Variants in SMC6 observed in about 807,000 individuals in gnomAD.
SMC6 encodes structural maintenance of chromosomes protein 6.
Under a neutral mutation model 142.2 loss-of-function variants are expected in SMC6, and 79 were observed. The observed-to-expected ratio is 0.56, with a 90% CI of 0.46 to 0.67. The LOEUF (loss-of-function observed/expected upper bound fraction) is 0.67. Among genes scored for constraint, SMC6 ranks in the 30% least tolerant of loss-of-function variants. The pLI, the probability that SMC6 is intolerant of heterozygous loss-of-function variation, is 0.00. For synonymous variants in SMC6, 411 were observed against 412.4 expected (o/e 1.00, Z 0.04); for missense variants, 1,072 against 1,284.0 (o/e 0.83, Z 2.52).
chr2:17,726,616 TA>T, intron 7 of SMC6, 147 bp from the exon 8 acceptor site: 26 of 560,668 alleles, frequency 4.6e-5, no homozygotes, highest in South Asian at 8.1e-5. Context: ...ATAAAAATAC[TA>T]AAAAAAAGTT....
intron 2 of SMC6, among the ~76,000 whole-genome samples, chr2:17,746,693 CAT>C (rs1670762092): frequency 6.6e-6 from 1 of 152,104 alleles, no homozygotes; most frequent in South Asian, 2.1e-4. Context: ...TTTTGCTAAA[CAT>C]ATGAATACTG....
chr2:17,700,458 A>G (rs1200624011), intron 20 of SMC6, 80 bp from the exon 21 acceptor site: 1 of 1,169,748 alleles, frequency 8.5e-7, no homozygotes, highest in African/African-American at 1.6e-5. Context: ...AATAATTCTG[A>G]GAGAGGAGAA....
intron 5 of SMC6, among the ~76,000 whole-genome samples, chr2:17,737,186 A>G (rs13396902): frequency 0.036 from 5,435 of 152,200 alleles, 278 homozygotes; most frequent in African/African-American, 0.11. Flanking sequence ...ATCTTGGCTT[A>G]AGGTTAAGAT....
intron 5 of SMC6, among the ~76,000 whole-genome samples, chr2:17,732,743 A>C (rs991814652): frequency 6.6e-6 from 1 of 152,078 alleles, no homozygotes; most frequent in Non-Finnish European, 1.5e-5. Flanking sequence ...AATTTCTTAA[A>C]GCTTTACTGG....
chr2:17,683,891 T>C, intron 23 of SMC6, 128 bp from the exon 24 acceptor site: 1 of 800,772 alleles, frequency 1.2e-6, no homozygotes, highest in Admixed American at 2.4e-5. Flanking sequence ...CTAGTAGCAG[T>C]CAATTTCATA....
At chr2:17,676,642 A>G (rs2103491562) in intron 25 of SMC6, among the ~76,000 whole-genome samples, 1 of 152,234 alleles carries the variant, frequency 6.6e-6, no homozygotes, top group East Asian at 1.9e-4. Context: ...TTTGGGAAGA[A>G]CTTACTTCTT....
chr2:17,670,188 C>A (rs1191033510), intron 26 of SMC6, among the ~76,000 whole-genome samples: 1 of 152,086 alleles, frequency 6.6e-6, no homozygotes, highest in Non-Finnish European at 1.5e-5. Flanking sequence ...GCACGGATAT[C>A]CATGCTGGGC....
At chr2:17,684,834 AAAAC>A (rs562128326) in intron 23 of SMC6, among the ~76,000 whole-genome samples, 21 of 152,106 alleles carry the variant, frequency 1.4e-4, no homozygotes, top group African/African-American at 3.9e-4. Flanking sequence ...TTAAAGAATA[AAAAC>A]AAACAAACAA....
intron 4 of SMC6, among the ~76,000 whole-genome samples, chr2:17,739,865 C>CACAG (rs1176077033): frequency 5.2e-5 from 7 of 133,928 alleles, no homozygotes; most frequent in Non-Finnish European, 7.9e-5. Flanking sequence ...CACACACACA[C>CACAG]AGAGAATATG....
intron 19 of SMC6, among the ~76,000 whole-genome samples, chr2:17,702,735 T>C (rs973472114): frequency 2.6e-5 from 4 of 152,094 alleles, no homozygotes; most frequent in African/African-American, 9.7e-5. Flanking sequence ...TCTCATGAGA[T>C]TTGATGGTTT....
intron 17 of SMC6, 92 bp from the exon 18 acceptor site, chr2:17,707,471 T>A: frequency 1.4e-6 from 1 of 690,634 alleles, no homozygotes. Context: ...CTTATTATTT[T>A]AATATGATTC....
chr2:17,707,006 G>C lies in SMC6; in HGVS notation c.2006+213C>G, dbSNP rs538952598. Among the ~76,000 whole-genome samples, 8 of 152,286 alleles carry C rather than the reference G, an allele frequency of 5.3e-5. No homozygotes were observed. In the East Asian group the frequency reaches 1.4e-3, roughly 26 times the overall value. On this transcript the variant is annotated intron_variant, in intron 18 of 27. Coordinates refer to ENST00000448223, the MANE Select transcript of SMC6 (RefSeq NM_001142286.2). ...GATCCAGTTGAGGGAATACGTTCTG[G>C]ATTATCAGTCCTGAATGACGTTGTT...
intron 5 of SMC6, among the ~76,000 whole-genome samples, chr2:17,735,653 A>C (rs1478269421): frequency 1.3e-5 from 2 of 152,200 alleles, no homozygotes; most frequent in African/African-American, 4.8e-5. Flanking sequence ...AGAGAATCTA[A>C]ATAGCAAAGG....
intron 3 of SMC6, among the ~76,000 whole-genome samples, chr2:17,744,886 T>C (rs1670660876): frequency 6.6e-6 from 1 of 152,204 alleles, no homozygotes; most frequent in African/African-American, 2.4e-5. Flanking sequence ...CAATGATTGA[T>C]TTTTGGATAC....
intron 18 of SMC6, among the ~76,000 whole-genome samples, chr2:17,704,920 A>G (rs753969028): frequency 1.3e-5 from 2 of 151,406 alleles, no homozygotes; most frequent in Non-Finnish European, 2.9e-5. Flanking sequence ...TTTATCATAT[A>G]TAAACCTAAA....
At chr2:17,671,018 C>T (rs969445612) in intron 25 of SMC6, among the ~76,000 whole-genome samples, 3 of 150,550 alleles carry the variant, frequency 2.0e-5, no homozygotes, top group African/African-American at 7.3e-5. Context: ...TATGCCACCA[C>T]GGCCAGCTAA....
chr2:17,677,691 C>T (rs1443734096), intron 25 of SMC6, among the ~76,000 whole-genome samples: 3 of 152,144 alleles, frequency 2.0e-5, no homozygotes, highest in Non-Finnish European at 4.4e-5. Flanking sequence ...ATACTACCTT[C>T]CCTATCAATA....
At chr2:17,685,802 TA>T (rs1234553893) in intron 23 of SMC6, among the ~76,000 whole-genome samples, 1 of 151,988 alleles carries the variant, frequency 6.6e-6, no homozygotes, top group Non-Finnish European at 1.5e-5. Context: ...TAAATAAAAA[TA>T]ATCTTTTCAT....
At chr2:17,697,608 T>C (rs528858770) in intron 21 of SMC6, among the ~76,000 whole-genome samples, 23 of 152,080 alleles carry the variant, frequency 1.5e-4, no homozygotes, top group African/African-American at 4.8e-4. Flanking sequence ...ACCAAGAGTA[T>C]TAGCCATAAG....
Sources: allele counts gnomAD v4.1 joint callset (sites outside exome capture counted in the v4.1 genomes callset), GRCh38; gene constraint gnomAD v4.1.1; transcripts MANE v1.5; gene names NCBI Gene and HGNC (gene_info 2026-07-23, HGNC 2026-07-21).